The following NACC2 variants were observed in gnomAD, a reference collection of about 807,000 sequenced individuals.
The protein encoded by NACC2 is NACC family member 2, also known as nucleus accumbens-associated protein 2.
In NACC2, 8 loss-of-function variants were observed where a neutral mutation model predicts 25.1. The observed-to-expected ratio is 0.32, with a 90% CI of 0.19 to 0.57. NACC2 has a LOEUF of 0.57. Ranked by LOEUF, NACC2 falls within the 20% of genes least tolerant of loss-of-function variation. The probability of loss-of-function intolerance (pLI) is 0.89; values close to 1 mark genes in which losing one functional copy is unlikely to be tolerated. For missense variants in NACC2, 644 were observed against 650.2 expected (o/e 0.99, Z 0.10); for synonymous variants, 435 against 294.7 (o/e 1.48, Z -4.88).
At chr9:136,059,672 C>T (rs1372573235) in intron 1 of NACC2, among the ~76,000 whole-genome samples, 1 of 152,240 alleles carries the variant, frequency 6.6e-6, no homozygotes, top group Non-Finnish European at 1.5e-5. Flanking sequence ...ACGGGGACAC[C>T]CTGCATACGG....
chr9:136,068,568 A>C (rs577367046), intron 1 of NACC2, among the ~76,000 whole-genome samples: 1 of 151,726 alleles, frequency 6.6e-6, no homozygotes, highest in East Asian at 1.9e-4. Context: ...AGGCAATAGA[A>C]TTTTTCAGCT....
chr9:136,037,784 C>T (rs1840575541), intron 2 of NACC2, among the ~76,000 whole-genome samples: 3 of 152,154 alleles, frequency 2.0e-5, no homozygotes, highest in Admixed American at 6.5e-5. Context: ...GCTAGGATTA[C>T]AGGCATGAAC....
intron 1 of NACC2, among the ~76,000 whole-genome samples, chr9:136,089,379 T>TTGCTAGAA (rs1830412221): frequency 6.6e-6 from 1 of 151,860 alleles, no homozygotes; most frequent in Non-Finnish European, 1.5e-5. Flanking sequence ...GCTAGAAACC[T>TTGCTAGAA]AGCACCCGCG....
In NACC2 at chr9:136,086,293, C is replaced by T. The variant is rs114476111; in HGVS notation, c.-60+8896G>A. On this transcript the variant is annotated intron_variant, in intron 1 of 5. Transcript: ENST00000277554. This position sits in a 1 kb window ranked among gnomAD's most constrained non-coding sequence, Gnocchi z 5.6. Reference sequence around the variant, plus strand: ...GACAGGACGAAGGGCACATGCCCCCCGAGGCCTCCCACTCAGAGCTGGGAG... The same window carrying T: ...GACAGGACGAAGGGCACATGCCCCCTGAGGCCTCCCACTCAGAGCTGGGAG... Among the ~76,000 whole-genome samples, 1,458 of 152,296 alleles carry T rather than the reference C, an allele frequency of 9.6e-3. 21 individuals are homozygous for T. The highest frequency in any genetic ancestry group is 0.033 in the African/African-American group (1,353 of 41,568).
In NACC2 at chr9:136,016,306, T is replaced by C. The variant is rs768223968; in HGVS notation, c.1010A>G (p.Tyr337Cys). ...CTTCTCCCCGGGGTCCCCTTCCGAGTAGAGCTTGGGATGGCAGCGGTATCC... is the reference window on the plus strand; with the variant it reads ...CTTCTCCCCGGGGTCCCCTTCCGAGCAGAGCTTGGGATGGCAGCGGTATCC... The part of the protein sequence containing the change: ...QIGYRCHPKL[Y>C]SEGDPGEKLE... The change falls in exon 3 of 6, where the codon TAC becomes TGC. Residue 337 changes from tyrosine (Y) to cysteine (C), a missense_variant. Tyr to Cys is a radical substitution (Grantham distance 194). Coordinates refer to ENST00000277554, the MANE Select transcript of NACC2 (RefSeq NM_144653.5). 1.9e-6 allele frequency: 3 copies of C among 1,612,728 alleles called. No homozygotes were observed. In the Admixed American group the frequency reaches 5.0e-5, roughly 27 times the overall value.
chr9:136,035,635 AG>A (rs1297090107), intron 2 of NACC2, among the ~76,000 whole-genome samples: 1 of 152,150 alleles, frequency 6.6e-6, no homozygotes, highest in Non-Finnish European at 1.5e-5. Context: ...TAGTTACATG[AG>A]GATGATGGAT....
At chr9:136,033,359 TCTGGCCGGG>T (rs1254386275) in intron 2 of NACC2, among the ~76,000 whole-genome samples, 2 of 151,378 alleles carry the variant, frequency 1.3e-5, no homozygotes, top group African/African-American at 2.4e-5. Context: ...AAAATGAACT[TCTGGCCGGG>T]CACGGTGGCT....
chr9:136,060,659 C>T (rs561811507), intron 1 of NACC2, among the ~76,000 whole-genome samples: 8 of 152,368 alleles, frequency 5.3e-5, no homozygotes, highest in African/African-American at 9.6e-5. Context: ...TGCTTAGCCC[C>T]GTCGGGTCTC....
intron 1 of NACC2, among the ~76,000 whole-genome samples, chr9:136,082,062 G>A (rs1830329792): frequency 6.6e-6 from 1 of 152,180 alleles, no homozygotes; most frequent in African/African-American, 2.4e-5. Flanking sequence ...TTCACAAAAT[G>A]GGGGCACCAG....
In NACC2 at chr9:136,012,661, T is replaced by G. The variant is rs1048075277; in HGVS notation, c.1255+538A>C. Among the ~76,000 whole-genome samples, 14 of 151,826 alleles carry G rather than the reference T, an allele frequency of 9.2e-5. No individual in the cohort carries two copies. In the South Asian group the frequency reaches 1.0e-3, roughly 11 times the overall value. Reference sequence around the variant, plus strand: ...GAATTTGCCTCACAAGGTTTTTTTTTTTTTTTTTTTTTCTTTTTTTTAGGA... The same window carrying G: ...GAATTTGCCTCACAAGGTTTTTTTTGTTTTTTTTTTTTCTTTTTTTTAGGA... On this transcript the variant is annotated intron_variant, in intron 5 of 5. Transcript: ENST00000277554.
At chr9:136,014,430 GAGTAGCCGGGACCAC>G (rs1840167560) in intron 3 of NACC2, among the ~76,000 whole-genome samples, 2 of 152,136 alleles carry the variant, frequency 1.3e-5, no homozygotes, top group South Asian at 4.1e-4. Flanking sequence ...TCAGCCCCCT[GAGTAGCCGGGACCAC>G]AGGCGCCACC....
intron 1 of NACC2, among the ~76,000 whole-genome samples, chr9:136,079,163 T>C (rs905146096): frequency 3.9e-5 from 6 of 152,096 alleles, no homozygotes; most frequent in Non-Finnish European, 8.8e-5. Context: ...AAGCTTGAGC[T>C]CTTGCCAAGA....
intron 1 of NACC2, among the ~76,000 whole-genome samples, chr9:136,087,166 C>G (rs1830387738): frequency 6.6e-6 from 1 of 152,222 alleles, no homozygotes. Context: ...GCCTTGGGAG[C>G]TGGAGGGCGG....
intron 1 of NACC2, among the ~76,000 whole-genome samples, chr9:136,092,449 C>G (rs919030268): frequency 6.6e-6 from 1 of 152,208 alleles, no homozygotes; most frequent in African/African-American, 2.4e-5. Context: ...AGCGTCCAGA[C>G]GGGCTAGCGC....
chr9:136,011,627 A>C lies in NACC2; in HGVS notation c.1653T>G (p.Asp551Glu). 1 of 1,405,162 alleles carries C rather than the reference A, an allele frequency of 7.1e-7. No individual in the cohort carries two copies. Among genetic ancestry groups the C allele is most frequent in the South Asian group, 1.5e-5 (1 of 64,778 alleles). The allele number at this position is 1,405,162 out of a possible 1,614,324, so 87.0% of individuals were successfully genotyped here. ...CAAAGGGCTGTGGGGGGCTCTGGCCATCGGCGGGCAGCGGCTCGGGGGCGG... is the reference window on the plus strand; with the variant it reads ...CAAAGGGCTGTGGGGGGCTCTGGCCCTCGGCGGGCAGCGGCTCGGGGGCGG... ...EVAAPEPLPA[D>E]GQSPPQPFEQ... The change falls in exon 6 of 6, where the codon GAT becomes GAG. Residue 551 changes from aspartate to glutamate, a missense_variant. By Grantham distance (45) the Asp-to-Glu change is conservative. Transcript: ENST00000277554.
chr9:136,085,444 G>A (rs1830369334), intron 1 of NACC2, among the ~76,000 whole-genome samples: 1 of 149,612 alleles, frequency 6.7e-6, no homozygotes, highest in African/African-American at 2.5e-5. Flanking sequence ...ACCTGAGCCC[G>A]AGTTTGAGGC....
In NACC2 at chr9:136,065,657, T is replaced by C. The variant is rs185521487; in HGVS notation, c.-59-15077A>G. On this transcript the variant is annotated intron_variant, in intron 1 of 5. Transcript: ENST00000277554. Reference sequence around the variant, plus strand: ...AAGTAAATAAACAAATAATAAAAAATTAGCCAGGAGTGGTGGCACATGCCT... The same window carrying C: ...AAGTAAATAAACAAATAATAAAAAACTAGCCAGGAGTGGTGGCACATGCCT... Among the ~76,000 whole-genome samples the C allele has an allele frequency of 4.4e-4, 66 of 151,710 alleles. No individual in the cohort carries two copies. The East Asian group carries it at 9.1e-3, about 21-fold the overall frequency.
chr9:136,015,028 G>A (rs1840179872), intron 3 of NACC2, among the ~76,000 whole-genome samples: 1 of 152,108 alleles, frequency 6.6e-6, no homozygotes, highest in African/African-American at 2.4e-5. Context: ...AGGAGCCTGT[G>A]AGTGCCCATG....
chr9:136,047,150 G>T (rs1424253051), intron 2 of NACC2, among the ~76,000 whole-genome samples: 1 of 152,120 alleles, frequency 6.6e-6, no homozygotes, highest in South Asian at 2.1e-4. Flanking sequence ...ACTCCTGCAC[G>T]GCCTGGCGAG....
Sources: gnomAD v4.1 joint callset for allele counts (sites outside exome capture counted in the v4.1 genomes callset) on GRCh38, gnomAD v4.1.1 for gene constraint, Gnocchi (gnomAD v3.1) non-coding constraint, MANE v1.5 for transcripts, NCBI Gene and HGNC (gene_info 2026-07-23, HGNC 2026-07-21) for gene names.